MAGI2: variants seen among roughly 807,000 people sequenced by gnomAD.
MAGI2 encodes membrane-associated guanylate kinase, WW and PDZ domain-containing protein 2.
Under a neutral mutation model 133.3 loss-of-function variants are expected in MAGI2, and 35 were observed. The observed-to-expected ratio is 0.26, with a 90% CI of 0.20 to 0.35. MAGI2 has a LOEUF of 0.35. Ranked by LOEUF, MAGI2 falls within the 10% of genes least tolerant of loss-of-function variation. The pLI is 1.00. For missense variants in MAGI2, 1,636 were observed against 1,863.4 expected (o/e 0.88, Z 2.25); for synonymous variants, 729 against 710.6 (o/e 1.03, Z -0.41).
At chr7:78,575,502 G>A (rs185711518) in intron 3 of MAGI2, among the ~76,000 whole-genome samples, 97 of 152,050 alleles carry the variant, frequency 6.4e-4, no homozygotes, top group Non-Finnish European at 1.0e-3. Flanking sequence ...TTTTTTCCAA[G>A]GACTACATAA....
At chr7:78,051,933 G>T (rs1812052862) in intron 21 of MAGI2, among the ~76,000 whole-genome samples, 1 of 146,220 alleles carries the variant, frequency 6.8e-6, no homozygotes, top group Non-Finnish European at 1.5e-5. Context: ...ACCCAGGCTG[G>T]AGGGCAATGG....
chr7:78,559,170 C>CAA (rs1563168332), intron 3 of MAGI2, among the ~76,000 whole-genome samples: 3 of 32,590 alleles, frequency 9.2e-5, no homozygotes, highest in Non-Finnish European at 1.4e-4. Context: ...AAAAAAAAGC[C>CAA]AAAAAGAAAA....
At chr7:79,340,025 C>T (rs1840772360) in intron 1 of MAGI2, among the ~76,000 whole-genome samples, 1 of 152,098 alleles carries the variant, frequency 6.6e-6, no homozygotes, top group Non-Finnish European at 1.5e-5. Context: ...AGTTTTACTG[C>T]TATGTAATAT....
chr7:78,029,127 A>C (rs1471739980), intron 21 of MAGI2, among the ~76,000 whole-genome samples: 2 of 152,180 alleles, frequency 1.3e-5, no homozygotes, highest in Non-Finnish European at 2.9e-5. Flanking sequence ...GTAAACATGA[A>C]AATGATCAAG....
intron 1 of MAGI2, among the ~76,000 whole-genome samples, chr7:79,072,331 C>T (rs952964320): frequency 1.2e-4 from 19 of 152,112 alleles, no homozygotes; most frequent in African/African-American, 4.6e-4. Flanking sequence ...AAATCACCTG[C>T]TATTTAATTG....
intron 1 of MAGI2, among the ~76,000 whole-genome samples, chr7:79,078,345 AGGAAGAAAAAAT>A (rs1481549989): frequency 1.3e-5 from 2 of 152,142 alleles, no homozygotes; most frequent in Non-Finnish European, 2.9e-5. Context: ...ATAGTGAGTT[AGGAAGAAAAAAT>A]GGAAAGAATC....
At chr7:78,954,988 A>C (rs568513959) in intron 2 of MAGI2, among the ~76,000 whole-genome samples, 4 of 152,262 alleles carry the variant, frequency 2.6e-5, no homozygotes, top group Admixed American at 2.6e-4. Context: ...GTTTCACTTA[A>C]TAACAAAAAT....
At chr7:79,390,714 T>C (rs530585761) in intron 1 of MAGI2, among the ~76,000 whole-genome samples, 12 of 152,320 alleles carry the variant, frequency 7.9e-5, no homozygotes, top group African/African-American at 2.9e-4. Context: ...CCCCTCTTCC[T>C]ATTCTTCGAA....
chr7:78,428,975 C>A (rs1799537282), intron 6 of MAGI2, among the ~76,000 whole-genome samples: 1 of 152,138 alleles, frequency 6.6e-6, no homozygotes, highest in South Asian at 2.1e-4. Flanking sequence ...AGATATAATG[C>A]TGTGTTACTA....
intron 2 of MAGI2, among the ~76,000 whole-genome samples, chr7:78,944,848 C>T (rs930756367): frequency 6.6e-6 from 1 of 151,866 alleles, no homozygotes; most frequent in African/African-American, 2.4e-5. Context: ...ACGATCCCCC[C>T]ACCTCAGCCT....
At chr7:79,388,843 T>TAA (rs11321887) in intron 1 of MAGI2, among the ~76,000 whole-genome samples, 15 of 141,878 alleles carry the variant, frequency 1.1e-4, no homozygotes, top group African/African-American at 2.3e-4. Flanking sequence ...ATGTAGTCAT[T>TAA]AAAAAAAAAA....
At chr7:78,366,059 A>C (rs1403467082) in intron 7 of MAGI2, among the ~76,000 whole-genome samples, 2 of 152,150 alleles carry the variant, frequency 1.3e-5, no homozygotes, top group East Asian at 3.9e-4. Flanking sequence ...AATCTTTTTC[A>C]TATCTTGTAA....
chr7:78,124,543 A>G (rs11770382), intron 20 of MAGI2, among the ~76,000 whole-genome samples: 17,869 of 152,184 alleles, frequency 0.12, 1,387 homozygotes, highest in Non-Finnish European at 0.18. Flanking sequence ...TAACAGATTC[A>G]GCCATCAGGG....
chr7:78,228,834 CCGT>C lies in MAGI2; in HGVS notation c.2047+27106_2047+27108del, dbSNP rs1789671446. On this transcript the variant is annotated intron_variant, in intron 10 of 21. Transcript: ENST00000354212. ...ACATTGAAAACCTTTGTAGCTGAGGCCGTTGTTACCTATGGTGAATTCCAGAGT... is the reference window on the plus strand; with the variant it reads ...ACATTGAAAACCTTTGTAGCTGAGGCTGTTACCTATGGTGAATTCCAGAGT... Among the ~76,000 whole-genome samples, 3 of 152,126 alleles carry C rather than the reference CCGT, an allele frequency of 2.0e-5. No homozygotes were observed. The South Asian group carries it at 6.2e-4, about 32-fold the overall frequency.
chr7:79,115,854 GTTT>G (rs59398227), intron 1 of MAGI2, among the ~76,000 whole-genome samples: 55,461 of 94,038 alleles, frequency 0.59, 18,249 homozygotes, highest in Non-Finnish European at 0.74. Flanking sequence ...ATGTTTTAAA[GTTT>G]TTTTTTTTTT....
chr7:79,139,184 G>C (rs1233447584), intron 1 of MAGI2, among the ~76,000 whole-genome samples: 1 of 152,040 alleles, frequency 6.6e-6, no homozygotes, highest in Non-Finnish European at 1.5e-5. Context: ...CAACCACCCA[G>C]TCTGTGCTCT....
chr7:78,206,016 T>G (rs1409028047), intron 10 of MAGI2, among the ~76,000 whole-genome samples: 1 of 152,216 alleles, frequency 6.6e-6, no homozygotes, highest in Non-Finnish European at 1.5e-5. Flanking sequence ...AGAGTGGCTC[T>G]TTTCAGAACT....
chr7:78,628,345 T>A (rs919642156), intron 2 of MAGI2, among the ~76,000 whole-genome samples: 4 of 152,338 alleles, frequency 2.6e-5, no homozygotes, highest in East Asian at 1.9e-4. Context: ...TTCATATATA[T>A]AGACTCCCCC....
chr7:78,104,146 G>A (rs567236185), intron 20 of MAGI2, among the ~76,000 whole-genome samples: 53 of 152,236 alleles, frequency 3.5e-4, no homozygotes, highest in African/African-American at 1.3e-3. Context: ...ATATCTAGGG[G>A]CCCTGTTCCC....
Sources: allele counts gnomAD v4.1 joint callset (sites outside exome capture counted in the v4.1 genomes callset), GRCh38; gene constraint gnomAD v4.1.1; transcripts MANE v1.5; gene names NCBI Gene and HGNC (gene_info 2026-07-23, HGNC 2026-07-21).